Variants in CDK5RAP2 observed in about 807,000 individuals in gnomAD.
The protein encoded by CDK5RAP2 is CDK5 regulatory subunit-associated protein 2.
A neutral mutation model predicts 232.9 loss-of-function variants in CDK5RAP2; 147 were observed. That is an observed-to-expected ratio of 0.63 (90% CI 0.55 to 0.72). The LOEUF (loss-of-function observed/expected upper bound fraction) is 0.72, where lower values mean the gene tolerates loss of function less well. Among genes scored for constraint, CDK5RAP2 ranks in the 30% least tolerant of loss-of-function variants. The probability of loss-of-function intolerance (pLI) is 0.00; values close to 1 mark genes in which losing one functional copy is unlikely to be tolerated. For missense variants in CDK5RAP2, 2,195 were observed against 2,231.5 expected, an observed-to-expected ratio of 0.98 and a Z score of 0.33; for synonymous variants, 833 against 833.7, an observed-to-expected ratio of 1.00 and a Z score of 0.01.
chr9:120,542,860 G>A (rs1291237091), intron 5 of CDK5RAP2, among the ~76,000 whole-genome samples: 4 of 152,298 alleles, frequency 2.6e-5, no homozygotes, highest in East Asian at 1.9e-4. Context: ...AGCGAAGTCC[G>A]TTAAGAGACT....
intron 34 of CDK5RAP2, among the ~76,000 whole-genome samples, chr9:120,402,175 C>T (rs1238082825): frequency 6.6e-6 from 1 of 151,926 alleles, no homozygotes; most frequent in Admixed American, 6.6e-5. Context: ...CGCCTGTGGT[C>T]ACAGCTACTT....
At chr9:120,557,537 C>T (rs2042275278) in intron 3 of CDK5RAP2, among the ~76,000 whole-genome samples, 1 of 152,118 alleles carries the variant, frequency 6.6e-6, no homozygotes, top group South Asian at 2.1e-4. Flanking sequence ...AGAAGGCTCA[C>T]TTGAGCCCAG....
chr9:120,571,860 GC>G, intron 2 of CDK5RAP2, 113 bp downstream of exon 2: 1 of 797,158 alleles, frequency 1.3e-6, no homozygotes, highest in Non-Finnish European at 2.2e-6. Context: ...CCTACGGTGT[GC>G]CAGTTCAGGG....
At chr9:120,447,813 T>C in intron 22 of CDK5RAP2, 82 bp downstream of exon 22, 2 of 1,032,028 alleles carry the variant, frequency 1.9e-6, no homozygotes. Context: ...ATTGCAATTC[T>C]AAACAACAAG....
chr9:120,428,899 C>T (rs901669893), intron 25 of CDK5RAP2, among the ~76,000 whole-genome samples: 7 of 152,196 alleles, frequency 4.6e-5, no homozygotes, highest in Non-Finnish European at 7.3e-5. Context: ...CATCAAAAAG[C>T]TTATCCACCA....
At chr9:120,440,657 C>T (rs944687903) in intron 23 of CDK5RAP2, among the ~76,000 whole-genome samples, 3 of 152,214 alleles carry the variant, frequency 2.0e-5, no homozygotes, top group Non-Finnish European at 4.4e-5. Context: ...ATTCACATAG[C>T]AATTCGTCAT....
intron 14 of CDK5RAP2, among the ~76,000 whole-genome samples, chr9:120,478,213 T>C (rs1359712326): frequency 6.6e-6 from 1 of 152,170 alleles, no homozygotes; most frequent in Non-Finnish European, 1.5e-5. Context: ...ACAGAGCAGA[T>C]GAAAGATAAA....
chr9:120,539,843 G>C (rs936549494), intron 5 of CDK5RAP2, among the ~76,000 whole-genome samples: 5 of 152,188 alleles, frequency 3.3e-5, no homozygotes, highest in Non-Finnish European at 7.4e-5. Flanking sequence ...TCAGCAAGGG[G>C]CTTCCAACAA....
At chr9:120,400,917 A>G (rs1212946611) in intron 34 of CDK5RAP2, 32 bp from the exon 35 acceptor site, 1 of 1,613,784 alleles carries the variant, frequency 6.2e-7, no homozygotes, top group Non-Finnish European at 8.5e-7. Flanking sequence ...TGTTACGTGC[A>G]GTCTTGAAAA....
chr9:120,485,292 A>ATTTTTT, intron 14 of CDK5RAP2, among the ~76,000 whole-genome samples: 1 of 146,890 alleles, frequency 6.8e-6, no homozygotes, highest in African/African-American at 2.6e-5. Flanking sequence ...ACATTTAGAT[A>ATTTTTT]CTTTTTTTTT....
At chr9:120,509,432 C>T (rs1316701137) in intron 12 of CDK5RAP2, among the ~76,000 whole-genome samples, 1 of 152,210 alleles carries the variant, frequency 6.6e-6, no homozygotes, top group Non-Finnish European at 1.5e-5. Flanking sequence ...CATTTTCTCA[C>T]ACATTACATT....
rs779129285 is a variant in CDK5RAP2, at chr9:120,414,985, G to A, written c.4297+55C>T. On this transcript the variant is annotated intron_variant, in intron 28 of 37. Coordinates refer to ENST00000349780, the MANE Select transcript of CDK5RAP2 (RefSeq NM_018249.6). The stretch of plus-strand genomic sequence containing the variant: ...CACAGATGCTTACTCAGGCAAATGC[G>A]TCACAGTGAAGCACTCACAGACATG... The A allele has an allele frequency of 1.5e-4, 247 of 1,600,660 alleles. No individual in the cohort carries two copies. In the East Asian group the frequency reaches 2.2e-3, roughly 14 times the overall value.
intron 1 of CDK5RAP2, among the ~76,000 whole-genome samples, chr9:120,579,342 A>G (rs1311338678): frequency 1.3e-5 from 2 of 152,236 alleles, no homozygotes; most frequent in African/African-American, 2.4e-5. Context: ...GGTGGATATT[A>G]CTAGCCCATT....
intron 25 of CDK5RAP2, among the ~76,000 whole-genome samples, chr9:120,430,657 G>C (rs1316542193): frequency 6.6e-6 from 1 of 151,574 alleles, no homozygotes; most frequent in Non-Finnish European, 1.5e-5. Flanking sequence ...CTTTTACACT[G>C]TTGGTGGGAC....
At chr9:120,447,665 C>T (rs2036265025) in intron 22 of CDK5RAP2, among the ~76,000 whole-genome samples, 1 of 152,184 alleles carries the variant, frequency 6.6e-6, no homozygotes, top group African/African-American at 2.4e-5. Context: ...GACCTATGAG[C>T]ACTGCAAGTT....
chr9:120,447,243 C>T (rs190028524), intron 22 of CDK5RAP2, among the ~76,000 whole-genome samples: 2 of 152,292 alleles, frequency 1.3e-5, no homozygotes, highest in Non-Finnish European at 2.9e-5. Context: ...TCAGCTGCAT[C>T]ATTCTGTGGG....
intron 10 of CDK5RAP2, among the ~76,000 whole-genome samples, chr9:120,525,608 T>C (rs1176115187): frequency 1.3e-5 from 2 of 151,770 alleles, no homozygotes; most frequent in East Asian, 1.9e-4. Context: ...CCACATGTGA[T>C]ACAATGTTGA....
At chr9:120,560,048 C>T (rs1202468601) in intron 3 of CDK5RAP2, among the ~76,000 whole-genome samples, 3 of 152,214 alleles carry the variant, frequency 2.0e-5, no homozygotes, top group Non-Finnish European at 4.4e-5. Flanking sequence ...CAATGGCTCA[C>T]AAGAACCTGG....
chr9:120,547,582 C>T (rs146629276), intron 4 of CDK5RAP2, among the ~76,000 whole-genome samples: 3 of 151,626 alleles, frequency 2.0e-5, no homozygotes, highest in Non-Finnish European at 2.9e-5. Context: ...CCAGCCTAGG[C>T]GACAGAGCGA....
Sources: allele counts gnomAD v4.1 joint callset (sites outside exome capture counted in the v4.1 genomes callset), GRCh38; gene constraint gnomAD v4.1.1; transcripts MANE v1.5; gene names NCBI Gene and HGNC (gene_info 2026-07-23, HGNC 2026-07-21).